The following HDAC9 variants were observed in gnomAD, a reference collection of about 807,000 sequenced individuals.
HDAC9 encodes histone deacetylase 9, also known as MEF-2 interacting transcription repressor (MITR) protein.
HDAC9 carries 41 observed loss-of-function variants against 139.4 expected under a neutral mutation model. The observed-to-expected ratio is 0.29, with a 90% CI of 0.23 to 0.38. The LOEUF is 0.38. HDAC9 is among the 10% of genes least tolerant of loss of function. The pLI is 1.00. For synonymous variants in HDAC9, 517 were observed against 476.2 expected (o/e 1.09, Z -1.12); for missense variants, 1,147 against 1,297.0 (o/e 0.88, Z 1.78).
intron 1 of HDAC9, among the ~76,000 whole-genome samples, chr7:18,391,407 A>G (rs1184317865): frequency 1.3e-5 from 2 of 151,946 alleles, no homozygotes; most frequent in East Asian, 1.9e-4. Flanking sequence ...AAAAGAAAGT[A>G]AAAAAGAAGA....
chr7:18,893,850 G>T (rs1176967756), intron 22 of HDAC9, among the ~76,000 whole-genome samples: 1 of 152,158 alleles, frequency 6.6e-6, no homozygotes, highest in South Asian at 2.1e-4. Flanking sequence ...AGCTGAAGGT[G>T]ATAAAGGAGC....
chr7:18,511,724 C>T (rs1801558240), intron 2 of HDAC9, among the ~76,000 whole-genome samples: 1 of 152,174 alleles, frequency 6.6e-6, no homozygotes. Context: ...CAACAGGTAA[C>T]AGAGATTATC....
intron 1 of HDAC9, among the ~76,000 whole-genome samples, chr7:18,448,104 AT>A (rs1230662832): frequency 1.3e-5 from 2 of 152,160 alleles, no homozygotes; most frequent in Non-Finnish European, 2.9e-5. Flanking sequence ...GCCTCAAGTG[AT>A]CCACCCACCT....
chr7:18,968,231 C>G (rs1024839370), intron 24 of HDAC9, among the ~76,000 whole-genome samples: 4 of 152,186 alleles, frequency 2.6e-5, no homozygotes, highest in African/African-American at 9.6e-5. Flanking sequence ...TTCCCCTTAT[C>G]AACCATACTT....
At chr7:18,629,929 A>G (rs1781825776) in intron 7 of HDAC9, among the ~76,000 whole-genome samples, 1 of 152,150 alleles carries the variant, frequency 6.6e-6, no homozygotes, top group African/African-American at 2.4e-5. Context: ...TTTTCAACAA[A>G]TTTACAGAAC....
chr7:18,470,718 G>A (rs1794660812), intron 1 of HDAC9, among the ~76,000 whole-genome samples: 2 of 152,082 alleles, frequency 1.3e-5, no homozygotes, highest in East Asian at 1.9e-4. Flanking sequence ...ACATTATTTA[G>A]AAGAATAGGC....
chr7:18,883,223 C>G (rs748906767), intron 22 of HDAC9, among the ~76,000 whole-genome samples: 1 of 151,986 alleles, frequency 6.6e-6, no homozygotes, highest in Non-Finnish European at 1.5e-5. Flanking sequence ...TAGCAATTGA[C>G]TACAATTTTA....
At chr7:18,293,717 C>T (rs1262276157) in intron 1 of HDAC9, among the ~76,000 whole-genome samples, 1 of 151,990 alleles carries the variant, frequency 6.6e-6, no homozygotes, top group East Asian at 1.9e-4. Context: ...TTCAGAGTGC[C>T]ATTTAGCTTG....
At chr7:18,693,272 C>A (rs974451170) in intron 12 of HDAC9, among the ~76,000 whole-genome samples, 1 of 151,988 alleles carries the variant, frequency 6.6e-6, no homozygotes, top group Non-Finnish European at 1.5e-5. Context: ...TTCTATTTAG[C>A]CTATTGCAAT....
chr7:18,508,875 G>T lies in HDAC9; in HGVS notation c.22+12551G>T, dbSNP rs528672114. Among the ~76,000 whole-genome samples the T allele has an allele frequency of 4.9e-4, 74 of 152,260 alleles. 1 individual carries two copies. The South Asian group carries it at 0.014, about 29-fold the overall frequency. On this transcript the variant is annotated intron_variant, in intron 2 of 25. Transcript: ENST00000686413. ...CAGGTATTTAATTCAGGTAGATCAT[G>T]GGTCAAATCACACCTTTGTTAGGCG...
intron 1 of HDAC9, among the ~76,000 whole-genome samples, chr7:18,343,136 A>T (rs577110409): frequency 6.6e-6 from 1 of 151,818 alleles, no homozygotes; most frequent in Admixed American, 6.6e-5. Flanking sequence ...ATTTATTTCC[A>T]TCTTTCTCAG....
chr7:18,493,314 T>C (rs1210232654), upstream of HDAC9, among the ~76,000 whole-genome samples: 1 of 151,952 alleles, frequency 6.6e-6, no homozygotes, highest in African/African-American at 2.4e-5. Context: ...AAAATCACTC[T>C]GAAACAGACA....
At chr7:18,824,608 CTG>C (rs1374843872) in intron 17 of HDAC9, among the ~76,000 whole-genome samples, 1 of 152,082 alleles carries the variant, frequency 6.6e-6, no homozygotes, top group African/African-American at 2.4e-5. Context: ...AGGAATATGA[CTG>C]TAAAAAAAGA....
chr7:18,571,692 G>A (rs1477030003), intron 2 of HDAC9, among the ~76,000 whole-genome samples: 2 of 151,710 alleles, frequency 1.3e-5, no homozygotes, highest in African/African-American at 4.8e-5. Context: ...CTGGAGAAGA[G>A]GTAAGATGCA....
chr7:18,189,215 C>A (rs1790146843), intron 2 of HDAC9, among the ~76,000 whole-genome samples: 2 of 152,038 alleles, frequency 1.3e-5, no homozygotes, highest in Non-Finnish European at 2.9e-5. Flanking sequence ...AAGCTGGAAG[C>A]CATCATCCTC....
chr7:18,557,027 T>C (rs957116382), intron 2 of HDAC9, among the ~76,000 whole-genome samples: 2 of 152,032 alleles, frequency 1.3e-5, no homozygotes, highest in African/African-American at 4.8e-5. Flanking sequence ...ATGAGAAAAA[T>C]ACCTGGTGAC....
At chr7:18,218,395 G>A (rs1190181843) in intron 2 of HDAC9, among the ~76,000 whole-genome samples, 2 of 152,102 alleles carry the variant, frequency 1.3e-5, no homozygotes, top group African/African-American at 4.8e-5. Flanking sequence ...AGTGAGCTGA[G>A]ATCACATCAC....
chr7:18,346,005 C>T (rs1782390954), intron 1 of HDAC9, among the ~76,000 whole-genome samples: 1 of 151,996 alleles, frequency 6.6e-6, no homozygotes, highest in Admixed American at 6.6e-5. Context: ...TTCAGGAACT[C>T]ATTTTTCTCA....
intron 22 of HDAC9, among the ~76,000 whole-genome samples, chr7:18,919,082 A>G (rs1257915459): frequency 1.3e-5 from 2 of 152,092 alleles, no homozygotes. Flanking sequence ...AATAAGCCAC[A>G]ATTAATGTAA....
Sources: allele counts gnomAD v4.1 joint callset (sites outside exome capture counted in the v4.1 genomes callset), GRCh38; gene constraint gnomAD v4.1.1; transcripts MANE v1.5; gene names NCBI Gene and HGNC (gene_info 2026-07-23, HGNC 2026-07-21).